The following TMEM132D variants were observed in gnomAD, a reference collection of about 807,000 sequenced individuals.
TMEM132D encodes the protein transmembrane protein 132D, also known as mature OL transmembrane protein.
In TMEM132D, 21 loss-of-function variants were observed where a neutral mutation model predicts 62.3. The observed-to-expected ratio is 0.34, with a 90% CI of 0.24 to 0.49. The LOEUF is 0.49. Ranked by LOEUF, TMEM132D falls within the 20% of genes least tolerant of loss-of-function variation. TMEM132D has a pLI of 0.99. For synonymous variants in TMEM132D, 621 were observed against 575.6 expected, an observed-to-expected ratio of 1.08 and a Z score of -1.13; for missense variants, 1,346 against 1,402.8, an observed-to-expected ratio of 0.96 and a Z score of 0.65.
At position 129,868,171 on chromosome 12, in the gene TMEM132D, G is replaced by A. The variant is rs189062762; in HGVS notation, c.79+35090C>T. Among the ~76,000 whole-genome samples the A allele has an allele frequency of 3.3e-5, 5 of 150,838 alleles. No homozygotes were observed. The East Asian group carries it at 9.8e-4, about 29-fold the overall frequency. On this transcript the variant is annotated intron_variant, in intron 1 of 8. Transcript: ENST00000422113. ...TACATACATGAGGCAGTGTTTCCAT[G>A]GTACACACACGAGACAGCATTTGTA...
intron 3 of TMEM132D, among the ~76,000 whole-genome samples, chr12:129,366,384 C>T (rs536619000): frequency 2.8e-4 from 42 of 152,192 alleles, no homozygotes; most frequent in African/African-American, 7.2e-4. Flanking sequence ...TGTTTAAAAG[C>T]GTGTGGCACC....
chr12:129,341,947 C>T (rs1262613085), intron 3 of TMEM132D, among the ~76,000 whole-genome samples: 1 of 152,126 alleles, frequency 6.6e-6, no homozygotes, highest in African/African-American at 2.4e-5. Flanking sequence ...AATGGAAGAA[C>T]ATTCCATGCT....
chr12:129,655,984 G>A (rs1176540468), intron 2 of TMEM132D, among the ~76,000 whole-genome samples: 8 of 152,192 alleles, frequency 5.3e-5, no homozygotes, highest in South Asian at 2.1e-4. Flanking sequence ...ACTTCCAGGC[G>A]TCAACGTTAC....
intron 3 of TMEM132D, among the ~76,000 whole-genome samples, chr12:129,465,038 T>A (rs1301517310): frequency 3.3e-5 from 5 of 151,746 alleles, no homozygotes; most frequent in Admixed American, 3.3e-4. Flanking sequence ...GGGGATGGCA[T>A]TGAATCTATT....
At chr12:129,830,985 C>T (rs776859620) in intron 1 of TMEM132D, among the ~76,000 whole-genome samples, 5 of 152,138 alleles carry the variant, frequency 3.3e-5, no homozygotes, top group Non-Finnish European at 7.3e-5. Context: ...CCTCCCCTTC[C>T]CTCCCTCCTG....
At chr12:129,458,884 T>C (rs946234842) in intron 3 of TMEM132D, among the ~76,000 whole-genome samples, 2 of 152,170 alleles carry the variant, frequency 1.3e-5, no homozygotes, top group Non-Finnish European at 2.9e-5. Context: ...CCATTGAACC[T>C]TGGATGTCAG....
chr12:129,546,207 A>G (rs11060424), intron 2 of TMEM132D, among the ~76,000 whole-genome samples: 27,737 of 152,070 alleles, frequency 0.18, 3,276 homozygotes, highest in Non-Finnish European at 0.25. Context: ...ATAACCAAGA[A>G]TGTGCTTATT....
chr12:129,695,885 G>T (rs892276823), intron 2 of TMEM132D, among the ~76,000 whole-genome samples: 1 of 152,192 alleles, frequency 6.6e-6, no homozygotes, highest in African/African-American at 2.4e-5. Flanking sequence ...GCCAAGCTGG[G>T]TCCCATGATA....
At chr12:129,641,385 C>T (rs913857862) in intron 2 of TMEM132D, among the ~76,000 whole-genome samples, 9 of 152,192 alleles carry the variant, frequency 5.9e-5, no homozygotes, top group African/African-American at 2.2e-4. Context: ...CTGTCTATTT[C>T]AGCTCAGCAT....
At chr12:129,836,535 C>T (rs367607561) in intron 1 of TMEM132D, among the ~76,000 whole-genome samples, 1 of 151,562 alleles carries the variant, frequency 6.6e-6, no homozygotes, top group East Asian at 1.9e-4. Context: ...TGTGTGTGTA[C>T]CCCGAATACT....
chr12:129,529,537 C>A (rs1266219665), intron 3 of TMEM132D, among the ~76,000 whole-genome samples: 1 of 152,232 alleles, frequency 6.6e-6, no homozygotes, highest in Non-Finnish European at 1.5e-5. Flanking sequence ...TGGTTCAACT[C>A]CCTCAGTCTC....
chr12:129,843,096 T>C (rs903870458), intron 1 of TMEM132D, among the ~76,000 whole-genome samples: 2 of 152,200 alleles, frequency 1.3e-5, no homozygotes, highest in African/African-American at 4.8e-5. Context: ...ACGAATATAG[T>C]ATATTCTGTA....
intron 5 of TMEM132D, among the ~76,000 whole-genome samples, chr12:129,156,862 G>A (rs1193261896): frequency 6.6e-6 from 1 of 151,648 alleles, no homozygotes; most frequent in Admixed American, 6.6e-5. Context: ...AGCCACTTCT[G>A]AGATATTAAC....
At chr12:129,564,684 G>A (rs1877320589) in intron 2 of TMEM132D, among the ~76,000 whole-genome samples, 1 of 152,206 alleles carries the variant, frequency 6.6e-6, no homozygotes, top group African/African-American at 2.4e-5. Context: ...GATTCTCAAT[G>A]AAATATCTGT....
chr12:129,579,990 A>G (rs1877796753), intron 2 of TMEM132D, among the ~76,000 whole-genome samples: 1 of 152,210 alleles, frequency 6.6e-6, no homozygotes, highest in African/African-American at 2.4e-5. Flanking sequence ...GCAGAGGAAG[A>G]GGGACAATAA....
intron 3 of TMEM132D, among the ~76,000 whole-genome samples, chr12:129,415,087 C>T (rs1204655779): frequency 1.3e-5 from 2 of 152,168 alleles, no homozygotes; most frequent in Non-Finnish European, 2.9e-5. Flanking sequence ...TAAGTTGTTT[C>T]CGTATCTTGA....
At position 129,866,636 on chromosome 12, in the gene TMEM132D, A is replaced by T. The variant is rs140623295; in HGVS notation, c.79+36625T>A. Among the ~76,000 whole-genome samples, 4 of 152,144 alleles carry T rather than the reference A, an allele frequency of 2.6e-5. No homozygotes were observed. In the East Asian group the frequency reaches 7.7e-4, roughly 29 times the overall value. On this transcript the variant is annotated intron_variant, in intron 1 of 8. Coordinates refer to ENST00000422113, the MANE Select transcript of TMEM132D (RefSeq NM_133448.3). ...AAAAGAAAAATGAGTGTTGGACAGGATGTAGAAAAGAGAGACTCCTGGCAC... is the reference window on the plus strand; with the variant it reads ...AAAAGAAAAATGAGTGTTGGACAGGTTGTAGAAAAGAGAGACTCCTGGCAC...
chr12:129,482,024 G>A (rs1419579312), intron 3 of TMEM132D, among the ~76,000 whole-genome samples: 1 of 152,190 alleles, frequency 6.6e-6, no homozygotes, highest in Non-Finnish European at 1.5e-5. Flanking sequence ...ATGTTGTTAG[G>A]AACACAGAGC....
intron 1 of TMEM132D, among the ~76,000 whole-genome samples, chr12:129,883,180 G>T (rs1384556043): frequency 1.3e-5 from 2 of 152,108 alleles, no homozygotes; most frequent in Admixed American, 6.5e-5. Flanking sequence ...TAAAACAAGT[G>T]AGTTTAACAC....
Sources: gnomAD v4.1 joint callset for allele counts (sites outside exome capture counted in the v4.1 genomes callset) on GRCh38, gnomAD v4.1.1 for gene constraint, MANE v1.5 for transcripts, NCBI Gene and HGNC (gene_info 2026-07-23, HGNC 2026-07-21) for gene names.